The following COL6A3 variants were observed in gnomAD, a reference collection of about 807,000 sequenced individuals.
COL6A3 encodes the protein collagen alpha-3(VI) chain.
In COL6A3, 137 loss-of-function variants were observed where a neutral mutation model predicts 274.1. The ratio of observed to expected loss-of-function variants is 0.50; its 90% confidence interval spans 0.44 to 0.58. The LOEUF (loss-of-function observed/expected upper bound fraction) is 0.58. Among genes scored for constraint, COL6A3 ranks in the 20% least tolerant of loss-of-function variants. COL6A3 has a pLI of 0.00. For missense variants in COL6A3, 3,950 were observed against 4,124.9 expected (o/e 0.96, Z 1.16); for synonymous variants, 1,650 against 1,650.6 (o/e 1.00, Z 0.01).
chr2:237,351,902 G>C (rs575343541), intron 26 of COL6A3, among the ~76,000 whole-genome samples: 1 of 152,142 alleles, frequency 6.6e-6, no homozygotes, highest in Admixed American at 6.5e-5. Context: ...TATTGAGCTC[G>C]TTACCAGTTT....
At chr2:237,342,350 T>G in intron 36 of COL6A3, 189 bp from the exon 37 acceptor site, 1 of 623,652 alleles carries the variant, frequency 1.6e-6, no homozygotes, top group Non-Finnish European at 2.9e-6. Context: ...ATAGGTTTTA[T>G]TCTACTAGGG....
chr2:237,374,214 C>T lies in COL6A3; in HGVS notation c.3679+198G>A, dbSNP rs1418722763. On this transcript the variant is annotated intron_variant, in intron 8 of 43. Coordinates refer to ENST00000295550, the MANE Select transcript of COL6A3 (RefSeq NM_004369.4). The surrounding 1 kb of genome is among the most constrained non-coding windows in gnomAD (Gnocchi z 4.8). ...ATTTGCCCCAAAACATGAATCTTAG[C>T]ATCTCCCCCCTTGAACCTCTGCCAT... Among the ~76,000 whole-genome samples the T allele has an allele frequency of 1.3e-5, 2 of 152,228 alleles. No homozygotes were observed. Among genetic ancestry groups the T allele is most frequent in the African/African-American group, 2.4e-5 (1 of 41,462 alleles).
Position 237,371,821 on chromosome 2 carries a change from C to G in COL6A3, c.4196G>C (p.Ser1399Thr), listed in dbSNP as rs1184183405. The G allele has an allele frequency of 3.1e-6, 5 of 1,613,666 alleles. No homozygotes were observed. Among genetic ancestry groups the G allele is most frequent in the Non-Finnish European group, 4.2e-6 (5 of 1,180,026 alleles). Residue 1399 changes from serine to threonine, a missense_variant, in exon 9 of 44, where the codon AGC (serine) becomes ACC (threonine). Physicochemically the swap from Ser to Thr is moderately conservative, Grantham distance 58. This residue lies in a region of COL6A3 where 1,934 missense variants were observed against 1,984.3 expected (regional missense o/e 0.97). Coordinates refer to ENST00000295550, the MANE Select transcript of COL6A3 (RefSeq NM_004369.4). This position sits in a 1 kb window ranked among gnomAD's most constrained non-coding sequence, Gnocchi z 4.3. ...FSVSTFRELPSLEQKLLTPIT... is the reference protein window; with the variant it reads ...FSVSTFRELPTLEQKLLTPIT... Reference sequence around the variant, plus strand: ...GGGCGTCAGCAGTTTCTGCTCCAGGCTGGGCAGCTCCCGGAAGGTGCTCAC... The same window carrying G: ...GGGCGTCAGCAGTTTCTGCTCCAGGGTGGGCAGCTCCCGGAAGGTGCTCAC...
rs2077351225 is a variant in COL6A3, at chr2:237,357,855, T to C, written c.6499A>G (p.Arg2167Gly). The part of the protein sequence containing the change: ...PGNPGQDSQE[R>G]GPKGETGDLG... ...TCACCGGTTTCTCCTTTGGGTCCTCTCTCCTGGCTGTCTTGTCCTGGGTTA... is the reference window on the plus strand; with the variant it reads ...TCACCGGTTTCTCCTTTGGGTCCTCCCTCCTGGCTGTCTTGTCCTGGGTTA... The change falls in exon 22 of 44, where the codon AGA (arginine) becomes GGA (glycine). Residue 2167 changes from arginine (R) to glycine (G), a missense_variant. This residue lies in a region of COL6A3 where 1,284 missense variants were observed against 1,349.7 expected (regional missense o/e 0.95). Transcript: ENST00000295550. 1 of 1,614,114 alleles carries C rather than the reference T, an allele frequency of 6.2e-7. No homozygotes were observed. Among genetic ancestry groups the C allele is most frequent in the East Asian group, 2.2e-5 (1 of 44,884 alleles).
At position 237,362,083 on chromosome 2, in the gene COL6A3, A is replaced by G. The variant is rs7597795; in HGVS notation, c.6064-252T>C. Among the ~76,000 whole-genome samples the G allele has an allele frequency of 0.24, 35,934 of 152,054 alleles. 5,130 individuals are homozygous for G. Among genetic ancestry groups the G allele is most frequent in the African/African-American group, 0.41 (16,848 of 41,428 alleles). On this transcript the variant is annotated intron_variant, in intron 14 of 43. Transcript: ENST00000295550. ...GGAAAGTAAAGAACAACCAAAGTAA[A>G]ATAGATCTTATCCACAATATCACTG... is the stretch of plus-strand genomic sequence containing the variant.
chr2:237,356,060 T>G (rs975901156), intron 23 of COL6A3, among the ~76,000 whole-genome samples: 2 of 152,206 alleles, frequency 1.3e-5, no homozygotes, highest in African/African-American at 4.8e-5. Context: ...AGGGAAGGGA[T>G]AGCAGGCCAT....
In COL6A3 at chr2:237,345,062, T is replaced by C. The variant is rs376714139; in HGVS notation, c.7158A>G (p.Lys2386=). 5 of 1,614,058 alleles carry C rather than the reference T, an allele frequency of 3.1e-6. No homozygotes were observed. In the African/African-American group the frequency reaches 5.3e-5, roughly 17 times the overall value. Residue 2386 remains lysine (K), a synonymous_variant, in exon 34 of 44, where the codon AAA becomes AAG. Transcript: ENST00000295550. The stretch of plus-strand genomic sequence containing the variant: ...AACAGAAAATCATGTACTTACGGCA[T>C]TTATCTTTGATGCTTTGGATGAGGG... ...QCALIQSIKD[K]CPCCYGPLEC...
Position 237,357,838 on chromosome 2 carries a change from T to G in COL6A3, c.6516A>C (p.Glu2172Asp). 1 of 1,614,132 alleles carries G rather than the reference T, an allele frequency of 6.2e-7. No individual in the cohort carries two copies. Among genetic ancestry groups the G allele is most frequent in the Non-Finnish European group, 8.5e-7 (1 of 1,179,994 alleles). The change falls in exon 22 of 44, where the codon GAA (glutamate) becomes GAC (aspartate). Residue 2172 changes from glutamate to aspartate, a missense_variant. Glu to Asp is a conservative substitution (Grantham distance 45, BLOSUM62 2). Around this residue, in one of 5 missense-constraint regions of COL6A3, gnomAD observed 1,284 missense variants for 1,349.7 expected, o/e 0.95. Transcript: ENST00000295550. ...TTACCATGGGGCCGAGGTCACCGGT[T>G]TCTCCTTTGGGTCCTCTCTCCTGGC... is the stretch of plus-strand genomic sequence containing the variant. ...QDSQERGPKG[E>D]TGDLGPMGVP... is the part of the protein sequence containing the mutation.
intron 11 of COL6A3, 149 bp from the exon 12 acceptor site, chr2:237,366,184 G>GA: frequency 1.4e-6 from 1 of 719,788 alleles, no homozygotes; most frequent in Admixed American, 2.2e-5. Context: ...GCTTTGAGAA[G>GA]CAATTCTATC....
At position 237,359,382 on chromosome 2, in the gene COL6A3, G is replaced by C; in HGVS notation, c.6289C>G (p.Arg2097Gly). The C allele has an allele frequency of 1.9e-6, 3 of 1,613,776 alleles. No homozygotes were observed. Among genetic ancestry groups the C allele is most frequent in the South Asian group, 2.2e-5 (2 of 91,078 alleles). Residue 2097 changes from arginine (R) to glycine (G), a missense_variant, in exon 18 of 44, where the codon CGG becomes GGG. Physicochemically the swap from Arg to Gly is moderately radical, Grantham distance 125. Coordinates refer to ENST00000295550, the MANE Select transcript of COL6A3 (RefSeq NM_004369.4). The stretch of plus-strand genomic sequence containing the variant: ...CATACCTTCTCTCCTGGGAATCCCC[G>C]AGAGCCCTAGAAGGCAAGGCGATAG... Reference protein sequence around the residue: ...CPGQRGVKGSRGFPGEKGEVG... With the variant: ...CPGQRGVKGSGGFPGEKGEVG...
intron 37 of COL6A3, among the ~76,000 whole-genome samples, chr2:237,341,466 C>T (rs2076986385): frequency 6.8e-6 from 1 of 146,468 alleles, no homozygotes; most frequent in South Asian, 2.1e-4. Context: ...ATCGCTTGAA[C>T]CCAGGAAGCA....
chr2:237,372,344 A>C lies in COL6A3; in HGVS notation c.3680-7T>G. ...TCCCTCTTGCCACCAACACCTGCGA[A>C]ACAAATGTGAGCATGGCTTCACCTT... On this transcript the variant is annotated splice_region_variant and splice_polypyrimidine_tract_variant and intron_variant, in intron 8 of 43. Coordinates refer to ENST00000295550, the MANE Select transcript of COL6A3 (RefSeq NM_004369.4). 6.2e-7 allele frequency: 1 copy of C among 1,603,150 alleles called. No individual in the cohort carries two copies. Among genetic ancestry groups the C allele is most frequent in the South Asian group, 1.1e-5 (1 of 91,074 alleles).
rs553312966 is a variant in COL6A3 at position 237,411,151 on chromosome 2, A to G, written c.-31+2802T>C. Among the ~76,000 whole-genome samples the G allele has an allele frequency of 1.1e-4, 17 of 152,342 alleles. No individual in the cohort carries two copies. In the South Asian group the frequency reaches 1.7e-3, roughly 15 times the overall value. On this transcript the variant is annotated intron_variant, in intron 1 of 43. Coordinates refer to ENST00000295550, the MANE Select transcript of COL6A3 (RefSeq NM_004369.4). ...TCAGGGTGGAAAAGCTGCCTGGTACACAACATCCCTGTCAGATGGAAACCG... is the reference window on the plus strand; with the variant it reads ...TCAGGGTGGAAAAGCTGCCTGGTACGCAACATCCCTGTCAGATGGAAACCG...
chr2:237,404,101 A>T (rs764447182), intron 1 of COL6A3, among the ~76,000 whole-genome samples: 1 of 151,492 alleles, frequency 6.6e-6, no homozygotes, highest in Non-Finnish European at 1.5e-5. Flanking sequence ...TTGAGCGTCA[A>T]TTTTTTTTTA....
chr2:237,404,349 C>A (rs1247467695), intron 1 of COL6A3, among the ~76,000 whole-genome samples: 1 of 152,130 alleles, frequency 6.6e-6, no homozygotes, highest in Non-Finnish European at 1.5e-5. Flanking sequence ...TCCTCACCCC[C>A]CAAAAGTTTA....
intron 5 of COL6A3, among the ~76,000 whole-genome samples, chr2:237,380,498 C>T (rs1308299396): frequency 6.6e-6 from 1 of 152,216 alleles, no homozygotes; most frequent in African/African-American, 2.4e-5. Flanking sequence ...CCCTAAACAG[C>T]TCAGACTGGG....
chr2:237,341,568 AAAAC>A (rs1423568183), intron 37 of COL6A3, among the ~76,000 whole-genome samples: 1 of 151,476 alleles, frequency 6.6e-6, no homozygotes, highest in African/African-American at 2.4e-5. Context: ...AAAAAAAAAA[AAAAC>A]ATCACAACCA....
chr2:237,387,367 C>T (rs997471383), intron 4 of COL6A3, among the ~76,000 whole-genome samples: 3 of 152,206 alleles, frequency 2.0e-5, no homozygotes, highest in African/African-American at 4.8e-5. Context: ...CTCATACTCT[C>T]GTAAGAGCTT....
intron 42 of COL6A3, chr2:237,327,964 C>G (rs748487031): frequency 2.0e-5 from 3 of 152,132 alleles, no homozygotes; most frequent in Non-Finnish European, 2.9e-5. Flanking sequence ...TCTTTTCCCT[C>G]TGAAATCAGT....
Sources: gnomAD v4.1 joint callset for allele counts (sites outside exome capture counted in the v4.1 genomes callset) on GRCh38, gnomAD v4.1.1 for gene constraint, gnomAD v4.1.1 regional missense constraint, Gnocchi (gnomAD v3.1) non-coding constraint, MANE v1.5 for transcripts, NCBI Gene and HGNC (gene_info 2026-07-23, HGNC 2026-07-21) for gene names.